Variants in THSD7A observed in about 807,000 individuals in gnomAD.
THSD7A encodes the protein thrombospondin type 1 domain containing 7A, also known as thrombospondin type-1 domain-containing protein 7A.
THSD7A carries 96 observed loss-of-function variants against 231.3 expected under a neutral mutation model. That is an observed-to-expected ratio of 0.41 (90% CI 0.35 to 0.49). The LOEUF is 0.49. Among genes scored for constraint, THSD7A ranks in the 20% least tolerant of loss-of-function variants. The pLI is 0.05. For synonymous variants in THSD7A, 940 were observed against 743.3 expected (o/e 1.26, Z -4.30); for missense variants, 2,290 against 2,070.2 (o/e 1.11, Z -2.06).
At chr7:11,737,598 T>C (rs1245240741) in intron 1 of THSD7A, among the ~76,000 whole-genome samples, 1 of 151,968 alleles carries the variant, frequency 6.6e-6, no homozygotes, top group Non-Finnish European at 1.5e-5. Flanking sequence ...AGCAAACAAG[T>C]CATAAACTAA....
chr7:11,414,214 G>C (rs1783884203), intron 17 of THSD7A: 1 of 152,256 alleles, frequency 6.6e-6, no homozygotes, highest in Admixed American at 6.5e-5. Flanking sequence ...CACTGACCAA[G>C]GAGTGGTTCT....
intron 6 of THSD7A, among the ~76,000 whole-genome samples, chr7:11,517,251 T>C (rs906807137): frequency 2.0e-5 from 3 of 152,080 alleles, no homozygotes; most frequent in African/African-American, 7.2e-5. Context: ...GCTAAATTTT[T>C]GTATTTTTAG....
rs186470103 is a variant in THSD7A, at chr7:11,651,844, T to C, written c.191-14883A>G. Reference sequence around the variant, plus strand: ...AGTATATTAAATTGGTGGTTGTTACTAGAAATAATATATTCTAAGTTCATC... The same window carrying C: ...AGTATATTAAATTGGTGGTTGTTACCAGAAATAATATATTCTAAGTTCATC... On this transcript the variant is annotated intron_variant, in intron 1 of 27. Transcript: ENST00000423059. 1.6e-3 allele frequency among the ~76,000 whole-genome samples: 242 copies of C among 152,144 alleles called. 1 individual carries two copies. Among genetic ancestry groups the C allele is most frequent in the Non-Finnish European group, 2.6e-3 (180 of 67,946 alleles).
chr7:11,469,728 T>C (rs1311090496), intron 9 of THSD7A, 151 bp downstream of exon 9: 2 of 552,908 alleles, frequency 3.6e-6, no homozygotes, highest in Non-Finnish European at 6.5e-6. Flanking sequence ...TGTTATTTCC[T>C]AGAGGGAAAC....
chr7:11,411,759 T>C lies in THSD7A; in HGVS notation c.3683-437A>G, dbSNP rs1236686618. On this transcript the variant is annotated intron_variant, in intron 18 of 27. Transcript: ENST00000423059. This position sits in a 1 kb window ranked among gnomAD's most constrained non-coding sequence, Gnocchi z 4.1. ...AAACATACATTTTATTTCTTATCCA[T>C]ATTTAGAATGCAAGAAAATGCATAC... Among the ~76,000 whole-genome samples the C allele has an allele frequency of 2.6e-5, 4 of 152,188 alleles. No homozygotes were observed. Among genetic ancestry groups the C allele is most frequent in the Non-Finnish European group, 5.9e-5 (4 of 68,024 alleles).
At chr7:11,790,008 TA>T (rs1457437013) in intron 1 of THSD7A, among the ~76,000 whole-genome samples, 2 of 152,028 alleles carry the variant, frequency 1.3e-5, no homozygotes, top group Non-Finnish European at 2.9e-5. Context: ...AAATTCACAG[TA>T]AAATATTTGC....
rs986010893 is a variant in THSD7A at position 11,412,779 on chromosome 7, G to A, written c.3559C>T (p.Arg1187Trp). Residue 1187 changes from arginine (R) to tryptophan (W), a missense_variant, in exon 18 of 28, where the codon CGG (arginine) becomes TGG (tryptophan). Physicochemically the swap from Arg to Trp is moderately radical, Grantham distance 101 (BLOSUM62 -3). Coordinates refer to ENST00000423059, the MANE Select transcript of THSD7A (RefSeq NM_015204.3). Reference sequence around the variant, plus strand: ...CTGATGGGATCAGCTGACCTTTGCCGGAAACTGCTTTGATTGCAAGGCTTA... The same window carrying A: ...CTGATGGGATCAGCTGACCTTTGCCAGAAACTGCTTTGATTGCAAGGCTTA... ...CVLPCNQSSF[R>W]QRSADPIRQP... 10 of 1,612,314 alleles carry A rather than the reference G, an allele frequency of 6.2e-6. No individual in the cohort carries two copies. The highest frequency in any genetic ancestry group is 8.5e-6 in the Non-Finnish European group (10 of 1,179,072).
rs1006087794 is a variant in THSD7A at position 11,798,498 on chromosome 7, C to CA, written c.190+33258dup. ...AAAAACAAAACAAAAAAAGAAAAAA[C>CA]AAAAAAAAAAAGAGAAAGAAATATG... On this transcript the variant is annotated intron_variant, in intron 1 of 27. Coordinates refer to ENST00000423059, the MANE Select transcript of THSD7A (RefSeq NM_015204.3). Among the ~76,000 whole-genome samples, 125 of 134,752 alleles carry CA rather than the reference C, an allele frequency of 9.3e-4. 2 individuals carry two copies. In the East Asian group the frequency reaches 0.01, roughly 11 times the overall value. The allele number at this position is 134,752 out of a possible 152,430, so 88.4% of individuals were successfully genotyped here.
chr7:11,570,519 A>G (rs1790578294), intron 4 of THSD7A, among the ~76,000 whole-genome samples: 1 of 152,206 alleles, frequency 6.6e-6, no homozygotes, highest in Non-Finnish European at 1.5e-5. Context: ...GAAATGATAA[A>G]TGTCTGAGAT....
intron 4 of THSD7A, among the ~76,000 whole-genome samples, chr7:11,562,547 A>G (rs1292985145): frequency 6.6e-6 from 1 of 152,080 alleles, no homozygotes; most frequent in Non-Finnish European, 1.5e-5. Flanking sequence ...TATTTCCTTA[A>G]ACGAACTTAT....
intron 1 of THSD7A, among the ~76,000 whole-genome samples, chr7:11,659,474 C>T (rs1782841281): frequency 6.6e-6 from 1 of 151,514 alleles, no homozygotes; most frequent in African/African-American, 2.4e-5. Flanking sequence ...TTCATTCTCT[C>T]TTGATATTGT....
intron 6 of THSD7A, among the ~76,000 whole-genome samples, chr7:11,512,594 T>C (rs796753529): frequency 5.9e-5 from 9 of 152,068 alleles, no homozygotes; most frequent in African/African-American, 2.2e-4. Context: ...CACAGAATAC[T>C]ATGCAGCCAT....
At chr7:11,546,138 C>T (rs62432857) in intron 4 of THSD7A, among the ~76,000 whole-genome samples, 43,871 of 151,236 alleles carry the variant, frequency 0.29, 7,597 homozygotes, top group African/African-American at 0.49. Context: ...CTGCAGCCTT[C>T]CCCAACCATT....
intron 1 of THSD7A, among the ~76,000 whole-genome samples, chr7:11,640,761 T>C (rs1481122349): frequency 6.6e-6 from 1 of 152,066 alleles, no homozygotes; most frequent in Non-Finnish European, 1.5e-5. Context: ...CTACTCAAGA[T>C]GTACAAATGC....
At chr7:11,440,146 C>T (rs911954100) in intron 13 of THSD7A, among the ~76,000 whole-genome samples, 16 of 151,914 alleles carry the variant, frequency 1.1e-4, no homozygotes, top group Admixed American at 6.6e-5. Context: ...AATAATGAAA[C>T]AACAAAGCCT....
At chr7:11,428,338 G>C (rs1015678967) in intron 14 of THSD7A, among the ~76,000 whole-genome samples, 1 of 151,972 alleles carries the variant, frequency 6.6e-6, no homozygotes, top group Non-Finnish European at 1.5e-5. Flanking sequence ...ATCTCTAATA[G>C]AACAGAACGA....
intron 1 of THSD7A, among the ~76,000 whole-genome samples, chr7:11,752,046 T>C (rs1452856272): frequency 1.3e-5 from 2 of 152,100 alleles, no homozygotes; most frequent in East Asian, 3.9e-4. Context: ...CCAAGATCTG[T>C]CCATCAAATA....
At chr7:11,521,584 G>C (rs1347060356) in intron 6 of THSD7A, among the ~76,000 whole-genome samples, 4 of 142,450 alleles carry the variant, frequency 2.8e-5, no homozygotes, top group Admixed American at 7.0e-5. Context: ...CTGGTGCGCT[G>C]CACCCACTAA....
At chr7:11,741,621 CTG>C (rs1246620422) in intron 1 of THSD7A, among the ~76,000 whole-genome samples, 1 of 151,786 alleles carries the variant, frequency 6.6e-6, no homozygotes, top group East Asian at 1.9e-4. Flanking sequence ...AGATTTATAA[CTG>C]TGAGCACTCC....
Sources: allele counts gnomAD v4.1 joint callset (sites outside exome capture counted in the v4.1 genomes callset), GRCh38; gene constraint gnomAD v4.1.1; non-coding constraint Gnocchi (gnomAD v3.1); transcripts MANE v1.5; gene names NCBI Gene and HGNC (gene_info 2026-07-23, HGNC 2026-07-21).